Variants in RAD54L2 observed in about 807,000 individuals in gnomAD.
The protein encoded by RAD54L2 is helicase ARIP4.
RAD54L2 carries 27 observed loss-of-function variants against 138.4 expected under a neutral mutation model. That is an observed-to-expected ratio of 0.20 (90% CI 0.14 to 0.27). RAD54L2 has a LOEUF of 0.27. Among genes scored for constraint, RAD54L2 ranks in the 10% least tolerant of loss-of-function variants. The probability of loss-of-function intolerance (pLI) is 1.00; values close to 1 mark genes in which losing one functional copy is unlikely to be tolerated. For missense variants in RAD54L2, 1,396 were observed against 1,890.2 expected, an observed-to-expected ratio of 0.74 and a Z score of 4.85; for synonymous variants, 644 against 723.2, an observed-to-expected ratio of 0.89 and a Z score of 1.76.
chr3:51,641,729 CGAA>C lies in RAD54L2; in HGVS notation c.2232-19_2232-17del. ...CCCTCAATTCTGGGAGCCATCTGAA[CGAA>C]ATGTTTTCTGTTTCAGCCAGAGTCT... On this transcript the variant is annotated splice_polypyrimidine_tract_variant and intron_variant, in intron 14 of 22. Coordinates refer to ENST00000684192, the MANE Select transcript of RAD54L2 (RefSeq NM_015106.4). The C allele has an allele frequency of 6.7e-7, 1 of 1,500,958 alleles. No individual in the cohort carries two copies. 93.0% of individuals were successfully genotyped at this position (1,500,958 alleles called of 1,614,324 possible).
intron 3 of RAD54L2, among the ~76,000 whole-genome samples, chr3:51,612,530 G>A (rs1368491573): frequency 6.6e-6 from 1 of 152,112 alleles, no homozygotes; most frequent in Non-Finnish European, 1.5e-5. Context: ...GTGATGCAGT[G>A]ATGTTAGGTT....
At chr3:51,643,086 G>A (rs1701181103) in intron 15 of RAD54L2, among the ~76,000 whole-genome samples, 1 of 144,244 alleles carries the variant, frequency 6.9e-6, no homozygotes, top group African/African-American at 2.6e-5. Context: ...CCAGGCTGGA[G>A]TGCAGTGGCG....
At chr3:51,542,131 C>G (rs1044725669) in intron 2 of RAD54L2, among the ~76,000 whole-genome samples, 1 of 152,134 alleles carries the variant, frequency 6.6e-6, no homozygotes, top group South Asian at 2.1e-4. Context: ...ATTTTTGACC[C>G]TTGATAAGCT....
At chr3:51,604,881 C>T (rs1184808345) in intron 3 of RAD54L2, among the ~76,000 whole-genome samples, 2 of 152,024 alleles carry the variant, frequency 1.3e-5, no homozygotes, top group East Asian at 3.9e-4. Flanking sequence ...GTTAAGTATT[C>T]TTTGAATTGT....
At chr3:51,624,883 T>G (rs1433391800) in intron 3 of RAD54L2, among the ~76,000 whole-genome samples, 1 of 152,156 alleles carries the variant, frequency 6.6e-6, no homozygotes, top group Non-Finnish European at 1.5e-5. Context: ...ACATGGATAC[T>G]CACAATTCCC....
At chr3:51,604,948 A>G (rs1700148307) in intron 3 of RAD54L2, among the ~76,000 whole-genome samples, 2 of 151,392 alleles carry the variant, frequency 1.3e-5, no homozygotes, top group Admixed American at 1.3e-4. Context: ...TTGAGATGGA[A>G]TCTCACTCTG....
At chr3:51,554,879 G>A (rs1402558232) in intron 2 of RAD54L2, among the ~76,000 whole-genome samples, 1 of 151,666 alleles carries the variant, frequency 6.6e-6, no homozygotes, top group Non-Finnish European at 1.5e-5. Flanking sequence ...GTCTCCCTTT[G>A]TCTACCAGGC....
At chr3:51,619,022 T>A (rs1160913776) in intron 3 of RAD54L2, among the ~76,000 whole-genome samples, 1 of 152,150 alleles carries the variant, frequency 6.6e-6, no homozygotes, top group Non-Finnish European at 1.5e-5. Flanking sequence ...GCCTCTTGTC[T>A]GTTGGAAAAG....
At chr3:51,583,272 G>A (rs1028749795) in intron 2 of RAD54L2, among the ~76,000 whole-genome samples, 4 of 152,080 alleles carry the variant, frequency 2.6e-5, no homozygotes, top group African/African-American at 9.7e-5. Flanking sequence ...TTTTGATGTT[G>A]ACTTAACTGT....
In RAD54L2 at chr3:51,614,062, G is replaced by A. The variant is rs113908655; in HGVS notation, c.140-13491G>A. Among the ~76,000 whole-genome samples, 944 of 152,248 alleles carry A rather than the reference G, an allele frequency of 6.2e-3. 7 individuals carry two copies. Among genetic ancestry groups the A allele is most frequent in the African/African-American group, 0.021 (889 of 41,546 alleles). On this transcript the variant is annotated intron_variant, in intron 3 of 22. Transcript: ENST00000684192. ...AGTAGTGCTAAGGTTGAGAAACCCT[G>A]TGTAGCCCTGCTATCTTTTAAAAAT...
At chr3:51,542,877 C>CT (rs1190948145) in intron 2 of RAD54L2, among the ~76,000 whole-genome samples, 4 of 152,106 alleles carry the variant, frequency 2.6e-5, no homozygotes, top group Non-Finnish European at 4.4e-5. Context: ...CAGGAGGTAA[C>CT]TGTTTGGCAT....
At chr3:51,623,371 C>T (rs1700606665) in intron 3 of RAD54L2, among the ~76,000 whole-genome samples, 1 of 152,186 alleles carries the variant, frequency 6.6e-6, no homozygotes. Flanking sequence ...ACCAAGGCCC[C>T]CAAGCTTTGC....
At chr3:51,649,413 C>T (rs866748033) in intron 19 of RAD54L2, among the ~76,000 whole-genome samples, 36 of 152,292 alleles carry the variant, frequency 2.4e-4, no homozygotes, top group Admixed American at 4.6e-4. Flanking sequence ...CCTAGCAAGG[C>T]AGGCCAACAT....
At chr3:51,611,259 C>T (rs62259676) in intron 3 of RAD54L2, among the ~76,000 whole-genome samples, 9 of 148,468 alleles carry the variant, frequency 6.1e-5, no homozygotes, top group Non-Finnish European at 1.2e-4. Context: ...TTGCTTGTTG[C>T]CTTTTTTTTT....
At chr3:51,650,590 C>G (rs1355326102) in intron 19 of RAD54L2, among the ~76,000 whole-genome samples, 1 of 152,212 alleles carries the variant, frequency 6.6e-6, no homozygotes, top group Non-Finnish European at 1.5e-5. Context: ...AACTGTCTCT[C>G]AGACCACAGT....
chr3:51,613,996 G>T (rs993396479), intron 3 of RAD54L2, among the ~76,000 whole-genome samples: 1 of 152,126 alleles, frequency 6.6e-6, no homozygotes, highest in Admixed American at 6.6e-5. Flanking sequence ...ACAGCATGAG[G>T]ATAGCTTCTC....
chr3:51,617,308 C>A (rs1418604488), intron 3 of RAD54L2, among the ~76,000 whole-genome samples: 1 of 152,048 alleles, frequency 6.6e-6, no homozygotes, highest in African/African-American at 2.4e-5. Context: ...AAAGTGTTTC[C>A]CAAAGTGATT....
At chr3:51,585,874 A>C (rs1332694553) in intron 2 of RAD54L2, among the ~76,000 whole-genome samples, 2 of 152,188 alleles carry the variant, frequency 1.3e-5, no homozygotes, top group Non-Finnish European at 2.9e-5. Flanking sequence ...ACAGGTCCTC[A>C]TTAAGGTGCA....
At chr3:51,576,161 T>G (rs1283184746) in intron 2 of RAD54L2, among the ~76,000 whole-genome samples, 1 of 152,152 alleles carries the variant, frequency 6.6e-6, no homozygotes, top group East Asian at 1.9e-4. Context: ...TATTGATTTG[T>G]GTATGTTGAA....
Sources: allele counts gnomAD v4.1 joint callset (sites outside exome capture counted in the v4.1 genomes callset), GRCh38; gene constraint gnomAD v4.1.1; transcripts MANE v1.5; gene names NCBI Gene and HGNC (gene_info 2026-07-23, HGNC 2026-07-21).